MEGF10: variants seen among roughly 807,000 people sequenced by gnomAD.
MEGF10 encodes the protein multiple epidermal growth factor-like domains protein 10.
Under a neutral mutation model 147.5 loss-of-function variants are expected in MEGF10, and 86 were observed. The observed-to-expected ratio is 0.58, with a 90% CI of 0.49 to 0.70. MEGF10 has a LOEUF of 0.70. Among genes scored for constraint, MEGF10 ranks in the 30% least tolerant of loss-of-function variants. The pLI is 0.00. For missense variants in MEGF10, 1,329 were observed against 1,487.3 expected (o/e 0.89, Z 1.75); for synonymous variants, 478 against 525.5 (o/e 0.91, Z 1.24).
intron 8 of MEGF10, chr5:127,409,581 C>T (rs1180176655): frequency 6.6e-6 from 1 of 152,266 alleles, no homozygotes; most frequent in East Asian, 1.9e-4. Flanking sequence ...TTCGTCTTAC[C>T]TAGAGCATAT....
intron 1 of MEGF10, among the ~76,000 whole-genome samples, chr5:127,307,788 A>T (rs1760080644): frequency 6.6e-6 from 1 of 152,184 alleles, no homozygotes; most frequent in African/African-American, 2.4e-5. Context: ...TAAAAAAAGG[A>T]AATTGTTGGC....
intron 4 of MEGF10, among the ~76,000 whole-genome samples, chr5:127,345,703 T>G (rs1295647787): frequency 6.6e-6 from 1 of 152,198 alleles, no homozygotes; most frequent in African/African-American, 2.4e-5. Flanking sequence ...GAGATTTTTC[T>G]TTTATTTCAA....
chr5:127,344,539 A>C (rs1479340100), intron 4 of MEGF10, among the ~76,000 whole-genome samples: 1 of 152,168 alleles, frequency 6.6e-6, no homozygotes, highest in Non-Finnish European at 1.5e-5. Context: ...TAGCTTATGA[A>C]CCAAGGATTA....
intron 9 of MEGF10, among the ~76,000 whole-genome samples, chr5:127,412,417 A>G (rs1764608652): frequency 6.6e-6 from 1 of 152,222 alleles, no homozygotes; most frequent in African/African-American, 2.4e-5. Context: ...GGTCCCTTCA[A>G]ACCAAAAGGC....
At chr5:127,242,767 A>C in the MEGF10 span, among the ~76,000 whole-genome samples, 3 of 152,200 alleles carry the variant, frequency 2.0e-5, no homozygotes, top group Non-Finnish European at 2.9e-5. Context: ...CAGACATTTA[A>C]AAATGAATTG....
the MEGF10 span, among the ~76,000 whole-genome samples, chr5:127,262,263 G>T: frequency 4.4e-4 from 67 of 151,532 alleles, no homozygotes; most frequent in African/African-American, 1.4e-3. Flanking sequence ...TTAGATCTTA[G>T]ATCCATTTTG....
At chr5:127,417,121 T>C (rs1010795800) in intron 9 of MEGF10, among the ~76,000 whole-genome samples, 54 of 152,248 alleles carry the variant, frequency 3.5e-4, no homozygotes, top group Admixed American at 2.0e-4. Context: ...GCAGCTGATA[T>C]GTCCATTTGC....
At chr5:127,313,400 A>G (rs746138227) in intron 1 of MEGF10, among the ~76,000 whole-genome samples, 1 of 152,218 alleles carries the variant, frequency 6.6e-6, no homozygotes, top group Non-Finnish European at 1.5e-5. Context: ...CCCATAAAGC[A>G]TATGATTTAT....
At chr5:127,410,878 A>G (rs1413284676) in intron 9 of MEGF10, among the ~76,000 whole-genome samples, 1 of 152,252 alleles carries the variant, frequency 6.6e-6, no homozygotes, top group Non-Finnish European at 1.5e-5. Context: ...TGCTGAGGTT[A>G]GTAGAACTTT....
intron 1 of MEGF10, among the ~76,000 whole-genome samples, chr5:127,330,106 A>G (rs985648145): frequency 6.6e-6 from 1 of 152,166 alleles, no homozygotes; most frequent in Non-Finnish European, 1.5e-5. Context: ...GGGCTAAACC[A>G]GAAGCTCCTC....
At chr5:127,230,241 T>G in the MEGF10 span, among the ~76,000 whole-genome samples, 2 of 152,080 alleles carry the variant, frequency 1.3e-5, no homozygotes, top group Admixed American at 6.5e-5. Context: ...GTTTTTGCTG[T>G]TCACTTTTTC....
At chr5:127,444,045 C>T (rs551970067) in intron 19 of MEGF10, among the ~76,000 whole-genome samples, 50 of 152,108 alleles carry the variant, frequency 3.3e-4, no homozygotes, top group Non-Finnish European at 6.5e-4. Context: ...TATGTCATAA[C>T]GACCTGGGAA....
intron 4 of MEGF10, among the ~76,000 whole-genome samples, chr5:127,365,304 T>C (rs1456574583): frequency 6.6e-6 from 1 of 152,262 alleles, no homozygotes; most frequent in Non-Finnish European, 1.5e-5. Context: ...AAGGCTTTAG[T>C]CTTTCTACTC....
the MEGF10 span, among the ~76,000 whole-genome samples, chr5:127,252,072 A>G: frequency 6.6e-5 from 10 of 152,034 alleles, no homozygotes; most frequent in Non-Finnish European, 1.5e-4. Flanking sequence ...CATTTTAATC[A>G]ATTTTCACTA....
At chr5:127,247,401 GAAGAAGAAGAAGAAGA>G in the MEGF10 span, among the ~76,000 whole-genome samples, 2 of 54,598 alleles carry the variant, frequency 3.7e-5, 1 homozygote, top group Non-Finnish European at 7.2e-5. Flanking sequence ...AGAAGAAGAA[GAAGAAGAAGAAGAAGA>G]AGAAGAAGAA....
chr5:127,359,126 A>G (rs547015474), intron 4 of MEGF10, among the ~76,000 whole-genome samples: 11 of 150,858 alleles, frequency 7.3e-5, no homozygotes, highest in Admixed American at 4.6e-4. Context: ...TCACATTGTC[A>G]TTTTTTAGTA....
At chr5:127,314,522 G>C (rs749418421) in intron 1 of MEGF10, among the ~76,000 whole-genome samples, 11 of 152,204 alleles carry the variant, frequency 7.2e-5, no homozygotes, top group Non-Finnish European at 1.5e-4. Context: ...CTAGTGAAAA[G>C]ACTAGAGAAT....
At chr5:127,345,548 G>T (rs1761853375) in intron 4 of MEGF10, among the ~76,000 whole-genome samples, 2 of 152,096 alleles carry the variant, frequency 1.3e-5, no homozygotes, top group South Asian at 4.1e-4. Context: ...AATATTACTA[G>T]GACAGGAAGA....
At chr5:127,362,889 A>G (rs1397166196) in intron 4 of MEGF10, among the ~76,000 whole-genome samples, 1 of 151,676 alleles carries the variant, frequency 6.6e-6, no homozygotes. Context: ...ATTTTTTATA[A>G]TTCTATTTTA....
Sources: gnomAD v4.1 joint callset for allele counts (sites outside exome capture counted in the v4.1 genomes callset) on GRCh38, gnomAD v4.1.1 for gene constraint, MANE v1.5 for transcripts, NCBI Gene and HGNC (gene_info 2026-07-23, HGNC 2026-07-21) for gene names.